CD22: variants seen among roughly 807,000 people sequenced by gnomAD.
CD22 encodes the protein CD22 molecule.
CD22 carries 51 observed loss-of-function variants against 94.7 expected under a neutral mutation model. The ratio of observed to expected loss-of-function variants is 0.54; its 90% CI spans 0.43 to 0.68. CD22 has a LOEUF of 0.68. Among genes scored for constraint, CD22 ranks in the 30% least tolerant of loss-of-function variants. CD22 has a pLI of 0.00. For missense variants in CD22, 931 were observed against 1,060.4 expected, an observed-to-expected ratio of 0.88 and a Z score of 1.69; for synonymous variants, 424 against 422.5, an observed-to-expected ratio of 1.00 and a Z score of -0.04.
intron 6 of CD22, among the ~76,000 whole-genome samples, chr19:35,338,851 G>T (rs1211070962): frequency 6.6e-6 from 1 of 151,828 alleles, no homozygotes; most frequent in Non-Finnish European, 1.5e-5. Flanking sequence ...GGATGGTCTC[G>T]ATCTCCTGAC....
At position 35,338,264 on chromosome 19, in the gene CD22, C is replaced by G; in HGVS notation, c.1082C>G (p.Pro361Arg). The G allele has an allele frequency of 6.2e-7, 1 of 1,614,234 alleles. No homozygotes were observed. Among genetic ancestry groups the G allele is most frequent in the Non-Finnish European group, 8.5e-7 (1 of 1,180,048 alleles). Residue 361 changes from proline to arginine, a missense_variant, in exon 6 of 14, where the codon CCA (proline) becomes CGA (arginine). By Grantham distance (103) the Pro-to-Arg change is moderately radical. Coordinates refer to ENST00000085219, the MANE Select transcript of CD22 (RefSeq NM_001771.4). ...FLCMSLANPL[P>R]TNYTWYHNGK... is the part of the protein sequence containing the mutation. Reference sequence around the variant, plus strand: ...TGCATGTCACTGGCCAATCCTCTTCCAACAAATTACACGTGGTACCACAAT... The same window carrying G: ...TGCATGTCACTGGCCAATCCTCTTCGAACAAATTACACGTGGTACCACAAT...
rs2066806904 is a variant in CD22 at position 35,341,433 on chromosome 19, G to A, written c.1598G>A (p.Ser533Asn). The A allele has an allele frequency of 1.9e-6, 3 of 1,613,872 alleles. No homozygotes were observed. Among genetic ancestry groups the A allele is most frequent in the African/African-American group, 2.7e-5 (2 of 74,888 alleles). Reference protein sequence around the residue: ...NSVSLQCDFSSSHPKEVQFFW... With the variant: ...NSVSLQCDFSNSHPKEVQFFW... The stretch of plus-strand genomic sequence containing the variant: ...GTCAGCCTCCAATGTGACTTCTCAA[G>A]CAGCCACCCCAAAGAAGTCCAGTTC... Residue 533 changes from serine to asparagine, a missense_variant, in exon 8 of 14, where the codon AGC (serine) becomes AAC (asparagine). Physicochemically the swap from Ser to Asn is conservative, Grantham distance 46. Coordinates refer to ENST00000085219, the MANE Select transcript of CD22 (RefSeq NM_001771.4). The surrounding 1 kb of genome is among the most constrained non-coding windows in gnomAD (Gnocchi z 4.0).
intron 6 of CD22, among the ~76,000 whole-genome samples, chr19:35,340,579 C>T (rs527358052): frequency 5.8e-4 from 89 of 152,336 alleles, no homozygotes; most frequent in African/African-American, 2.0e-3. Context: ...CATGCCCGGC[C>T]TCAGGACCCC....
chr19:35,341,217 C>T lies in CD22; in HGVS notation c.1507+79C>T, dbSNP rs1423574770. ...GGGATGAAGGCAACGAGGCCGGAGC[C>T]TGGGCCAGTGTCTTCAACAGAATTG... On this transcript the variant is annotated intron_variant, in intron 7 of 13. Coordinates refer to ENST00000085219, the MANE Select transcript of CD22 (RefSeq NM_001771.4). This position sits in a 1 kb window ranked among gnomAD's most constrained non-coding sequence, Gnocchi z 4.0. The T allele has an allele frequency of 7.5e-6, 12 of 1,604,476 alleles. No homozygotes were observed. Among genetic ancestry groups the T allele is most frequent in the Non-Finnish European group, 1.0e-5 (12 of 1,173,570 alleles).
chr19:35,331,907 C>A (rs759465089), intron 1 of CD22, 112 bp from the exon 2 acceptor site: 84 of 1,579,574 alleles, frequency 5.3e-5, no homozygotes, highest in Non-Finnish European at 7.1e-5. Context: ...TGCAACCAGA[C>A]CCGGTCCTCC....
Position 35,344,943 on chromosome 19 carries a change from C to T in CD22, c.2132+18C>T. The T allele has an allele frequency of 6.2e-7, 1 of 1,607,996 alleles. No individual in the cohort carries two copies. Among genetic ancestry groups the T allele is most frequent in the Non-Finnish European group, 8.5e-7 (1 of 1,174,436 alleles). ...CAGCGACGGTGAGCTCCTGCCATCC[C>T]CCACCACCTCCTCTATCCCTTGGCA... On this transcript the variant is annotated intron_variant, in intron 10 of 13. Transcript: ENST00000085219.
At chr19:35,332,962 G>A in intron 3 of CD22, 38 bp downstream of exon 3, 1 of 1,586,696 alleles carries the variant, frequency 6.3e-7, no homozygotes. Flanking sequence ...GCTCTGGGCA[G>A]GGGTGAGTGG....
At position 35,344,836 on chromosome 19, in the gene CD22, G is replaced by A. The variant is rs7259477; in HGVS notation, c.2043G>A (p.Pro681=). 7.9e-3 allele frequency: 12,782 copies of A among 1,611,136 alleles called. 73 individuals are homozygous for A. Among genetic ancestry groups the A allele is most frequent in the Non-Finnish European group, 9.5e-3 (11,176 of 1,177,790 alleles). Residue 681 remains proline (P), a synonymous_variant, in exon 10 of 14, where the codon CCG becomes CCA. Coordinates refer to ENST00000085219, the MANE Select transcript of CD22 (RefSeq NM_001771.4). ...PLSTLTVYYS[P]ETIGRRVAVG... ...TCTCCTTTCTCCACCCAGATAGCCC[G>A]GAGACCATCGGCAGGCGAGTGGCTG...
At chr19:35,346,434 C>CAGTT (rs2145685709) in intron 13 of CD22, 132 bp from the exon 14 acceptor site, 3 of 1,301,248 alleles carry the variant, frequency 2.3e-6, no homozygotes, top group East Asian at 2.5e-5. Flanking sequence ...CGGCCACAGC[C>CAGTT]AGTTTCCTGA....
intron 3 of CD22, 58 bp from the exon 4 acceptor site, chr19:35,335,978 G>C: frequency 6.8e-7 from 1 of 1,464,236 alleles, no homozygotes; most frequent in Non-Finnish European, 9.4e-7. Flanking sequence ...TCTAAAGCCA[G>C]GTGTACGCTC....
chr19:35,340,459 T>C (rs1234433553), intron 6 of CD22, among the ~76,000 whole-genome samples: 2 of 152,186 alleles, frequency 1.3e-5, no homozygotes, highest in Non-Finnish European at 2.9e-5. Context: ...ATTTTTAAAA[T>C]TTTTAGTAGA....
chr19:35,337,246 A>G lies in CD22; in HGVS notation c.719-509A>G, dbSNP rs988099529. Among the ~76,000 whole-genome samples the G allele has an allele frequency of 2.0e-5, 3 of 151,442 alleles. No individual in the cohort carries two copies. Among genetic ancestry groups the G allele is most frequent in the Non-Finnish European group, 4.4e-5 (3 of 67,784 alleles). On this transcript the variant is annotated intron_variant, in intron 4 of 13. Coordinates refer to ENST00000085219, the MANE Select transcript of CD22 (RefSeq NM_001771.4). The surrounding 1 kb of genome is among the most constrained non-coding windows in gnomAD (Gnocchi z 4.4). The stretch of plus-strand genomic sequence containing the variant: ...GAGTGAGACTCCATCTCAAAAAAAG[A>G]AAAAAAAAGAAGGTGAGCACTTAAG...
intron 10 of CD22, 60 bp from the exon 11 acceptor site, chr19:35,344,991 A>G (rs774193786): frequency 1.1e-5 from 18 of 1,601,750 alleles, no homozygotes; most frequent in East Asian, 2.2e-5. Context: ...CAGTTGCTCC[A>G]TCTCGAAGCC....
At chr19:35,345,327 A>C (rs2066887002) in intron 11 of CD22, 1 of 571,096 alleles carries the variant, frequency 1.8e-6, no homozygotes, top group Non-Finnish European at 3.1e-6. Flanking sequence ...AGGCTGAGGC[A>C]GGAGAATCGC....
intron 9 of CD22, 145 bp downstream of exon 9, chr19:35,342,110 C>T (rs117252603): frequency 0.01 from 6,849 of 665,602 alleles, 278 homozygotes; most frequent in East Asian, 0.088. Flanking sequence ...TCCTCTTCCT[C>T]CTTCTTCTTC....
intron 3 of CD22, among the ~76,000 whole-genome samples, chr19:35,334,400 A>G (rs2066688470): frequency 6.6e-6 from 1 of 152,212 alleles, no homozygotes; most frequent in Non-Finnish European, 1.5e-5. Context: ...ACAAAGAGAA[A>G]AGAAAAGAAG....
chr19:35,347,266 G>A lies in CD22; in HGVS notation c.*569G>A, dbSNP rs2145688005. The A allele has an allele frequency of 6.5e-6, 1 of 153,026 alleles. No individual in the cohort carries two copies. The highest frequency in any genetic ancestry group is 1.9e-4 in the East Asian group (1 of 5,182). 9.5% of individuals were successfully genotyped at this position (153,026 alleles called of 1,614,324 possible). ...TACGTATCAGCGGCCCCTTGACTCT[G>A]GGGACTCCGGGTTTGAGATGGACAC... On this transcript the variant is annotated 3_prime_UTR_variant, in exon 14 of 14. Transcript: ENST00000085219.
intron 13 of CD22, 37 bp downstream of exon 13, chr19:35,346,272 G>A (rs1483129569): frequency 7.1e-6 from 11 of 1,558,334 alleles, no homozygotes; most frequent in Non-Finnish European, 8.9e-6. Context: ...CAGAGGGGCT[G>A]TGGAAGGCTG....
At position 35,338,187 on chromosome 19, in the gene CD22, G is replaced by A. The variant is rs1233006010; in HGVS notation, c.1005G>A (p.Thr335=). 6.2e-6 allele frequency: 10 copies of A among 1,612,798 alleles called. No homozygotes were observed. Among genetic ancestry groups the A allele is most frequent in the Non-Finnish European group, 7.6e-6 (9 of 1,179,170 alleles). Residue 335 remains threonine, a synonymous_variant, in exon 6 of 14, where the codon ACG becomes ACA. Coordinates refer to ENST00000085219, the MANE Select transcript of CD22 (RefSeq NM_001771.4). ...TTCCAGATGCCCCGGAACCTTCCAC[G>A]GTTCAGATCCTCCACTCACCGGCTG... ...LQVQYAPEPS[T]VQILHSPAVE... is the part of the protein sequence containing the mutation.
Sources: allele counts gnomAD v4.1 joint callset (sites outside exome capture counted in the v4.1 genomes callset), GRCh38; gene constraint gnomAD v4.1.1; non-coding constraint Gnocchi (gnomAD v3.1); transcripts MANE v1.5; gene names NCBI Gene and HGNC (gene_info 2026-07-23, HGNC 2026-07-21).